THSD7B: variants seen among roughly 807,000 people sequenced by gnomAD.
THSD7B encodes thrombospondin type-1 domain-containing protein 7B.
A neutral mutation model predicts 213.6 loss-of-function variants in THSD7B; 138 were observed. The observed-to-expected ratio is 0.65, with a 90% CI of 0.56 to 0.74. The LOEUF is 0.74. Ranked by LOEUF, THSD7B falls within the 30% of genes least tolerant of loss-of-function variation. The pLI, the probability that THSD7B is intolerant of heterozygous loss-of-function variation, is 0.00. For missense variants in THSD7B, 1,931 were observed against 1,991.5 expected (o/e 0.97, Z 0.58); for synonymous variants, 742 against 687.0 (o/e 1.08, Z -1.25).
chr2:137,582,574 G>A (rs1031372336), intron 17 of THSD7B, among the ~76,000 whole-genome samples: 3 of 144,390 alleles, frequency 2.1e-5, no homozygotes, highest in African/African-American at 7.7e-5. Flanking sequence ...CCACCTATGA[G>A]TGAGAACATG....
chr2:137,264,289 C>T (rs923039094), intron 10 of THSD7B, among the ~76,000 whole-genome samples: 2 of 149,222 alleles, frequency 1.3e-5, no homozygotes, highest in Non-Finnish European at 3.0e-5. Flanking sequence ...GTCTCGCTCT[C>T]TTGCCCAGGC....
At chr2:137,435,380 CATATTGGAAGCAATTAAA>C (rs1351821073) in intron 14 of THSD7B, among the ~76,000 whole-genome samples, 3 of 152,146 alleles carry the variant, frequency 2.0e-5, no homozygotes, top group African/African-American at 7.2e-5. Context: ...GATAGAGTTT[CATATTGGAAGCAATTAAA>C]ATATTTTAAA....
intron 2 of THSD7B, among the ~76,000 whole-genome samples, chr2:136,930,050 G>A (rs988089850): frequency 6.6e-5 from 10 of 152,156 alleles, no homozygotes; most frequent in Non-Finnish European, 1.5e-4. Flanking sequence ...CAAGTTTGTG[G>A]TTATGTGTGT....
chr2:136,983,358 G>GACACGCACACACACACACAC, intron 2 of THSD7B, among the ~76,000 whole-genome samples: 1 of 105,028 alleles, frequency 9.5e-6, no homozygotes, highest in South Asian at 3.2e-4. Context: ...CAGACACACA[G>GACACGCACACACACACACAC]ACACACACAC....
At chr2:137,120,602 G>T (rs1688528848) in intron 5 of THSD7B, among the ~76,000 whole-genome samples, 3 of 152,184 alleles carry the variant, frequency 2.0e-5, no homozygotes, top group Middle Eastern at 3.4e-3. Flanking sequence ...CCATTAGGCT[G>T]CATTATCTCT....
chr2:136,879,113 C>T (rs1683573395), intron 1 of THSD7B, among the ~76,000 whole-genome samples: 2 of 152,124 alleles, frequency 1.3e-5, no homozygotes, highest in Non-Finnish European at 2.9e-5. Context: ...AGGAAGGGAT[C>T]CAGTTTCAGC....
intron 2 of THSD7B, among the ~76,000 whole-genome samples, chr2:137,026,945 A>T (rs1686567354): frequency 6.6e-6 from 1 of 152,204 alleles, no homozygotes; most frequent in Non-Finnish European, 1.5e-5. Flanking sequence ...AATCCAACAC[A>T]TTCCAATCTG....
intron 2 of THSD7B, among the ~76,000 whole-genome samples, chr2:136,906,965 T>A (rs868117280): frequency 1.4e-4 from 14 of 102,640 alleles, no homozygotes; most frequent in East Asian, 4.1e-4. Context: ...TTTTTTTTTT[T>A]AGAGGGTCTG....
At chr2:137,670,655 C>T (rs1291484772) in intron 27 of THSD7B, among the ~76,000 whole-genome samples, 1 of 152,116 alleles carries the variant, frequency 6.6e-6, no homozygotes, top group Non-Finnish European at 1.5e-5. Flanking sequence ...GGTGCGGTGG[C>T]TCATGCCTGT....
intron 2 of THSD7B, among the ~76,000 whole-genome samples, chr2:136,954,593 G>A (rs1436443265): frequency 6.6e-6 from 1 of 151,742 alleles, no homozygotes; most frequent in Non-Finnish European, 1.5e-5. Context: ...GCGGGCGCCT[G>A]TAGTCCCAGC....
Position 137,057,019 on chromosome 2 carries a change from C to A in THSD7B, c.739C>A (p.Pro247Thr). The A allele has an allele frequency of 6.2e-7, 1 of 1,613,914 alleles. No individual in the cohort carries two copies. The highest frequency in any genetic ancestry group is 1.1e-5 in the South Asian group (1 of 91,078). The change falls in exon 3 of 28, where the codon CCA becomes ACA. Residue 247 changes from proline to threonine, a missense_variant. Coordinates refer to ENST00000409968, the MANE Select transcript of THSD7B (RefSeq NM_001316349.2). ...EEYTFSLKVG[P>T]WSKCRLPHLK... Reference sequence around the variant, plus strand: ...ATATACATTTAGCCTTAAGGTTGGACCATGGAGTAAATGCAGACTGCCTCA... The same window carrying A: ...ATATACATTTAGCCTTAAGGTTGGAACATGGAGTAAATGCAGACTGCCTCA...
At chr2:137,645,554 A>C (rs1683015063) in intron 21 of THSD7B, among the ~76,000 whole-genome samples, 1 of 152,160 alleles carries the variant, frequency 6.6e-6, no homozygotes, top group Non-Finnish European at 1.5e-5. Context: ...TTAAGGTTGA[A>C]TATGGACTGA....
intron 17 of THSD7B, among the ~76,000 whole-genome samples, chr2:137,587,487 A>G (rs1681761818): frequency 6.6e-6 from 1 of 151,992 alleles, no homozygotes; most frequent in Admixed American, 6.6e-5. Context: ...TTGGTCTTTG[A>G]TGATAGTGAC....
At chr2:137,412,484 C>T (rs1265289111) in intron 14 of THSD7B, among the ~76,000 whole-genome samples, 2 of 143,130 alleles carry the variant, frequency 1.4e-5, no homozygotes, top group Non-Finnish European at 3.1e-5. Context: ...CCTGTAATCC[C>T]AGCTACTCGG....
intron 21 of THSD7B, among the ~76,000 whole-genome samples, chr2:137,644,801 G>A (rs1682999199): frequency 1.3e-5 from 2 of 152,172 alleles, no homozygotes; most frequent in Non-Finnish European, 2.9e-5. Context: ...AATGAGGGAG[G>A]TGATGATATT....
chr2:137,596,804 A>C (rs895988850), intron 17 of THSD7B, among the ~76,000 whole-genome samples: 2 of 151,940 alleles, frequency 1.3e-5, no homozygotes, highest in Non-Finnish European at 2.9e-5. Context: ...GTGGTCCAGT[A>C]ACAGAATATA....
chr2:137,127,090 T>C (rs914724858), intron 5 of THSD7B, among the ~76,000 whole-genome samples: 13 of 152,036 alleles, frequency 8.6e-5, no homozygotes, highest in Non-Finnish European at 1.6e-4. Flanking sequence ...AAGTGTGAAA[T>C]AATGCAAGAA....
At chr2:136,798,661 A>G (rs927655620) in intron 1 of THSD7B, among the ~76,000 whole-genome samples, 2 of 151,936 alleles carry the variant, frequency 1.3e-5, no homozygotes, top group African/African-American at 4.8e-5. Context: ...TAAAAACAAA[A>G]CAAAGCAACC....
chr2:136,832,309 G>T (rs1339961266), intron 1 of THSD7B, among the ~76,000 whole-genome samples: 1 of 152,028 alleles, frequency 6.6e-6, no homozygotes, highest in African/African-American at 2.4e-5. Context: ...AGCTGGAAAA[G>T]CTGGTGGTGT....
Sources: gnomAD v4.1 joint callset for allele counts (sites outside exome capture counted in the v4.1 genomes callset) on GRCh38, gnomAD v4.1.1 for gene constraint, MANE v1.5 for transcripts, NCBI Gene and HGNC (gene_info 2026-07-23, HGNC 2026-07-21) for gene names.